Variants in DCC observed in about 807,000 individuals in gnomAD.
DCC encodes the protein DCC netrin 1 receptor.
Under a neutral mutation model 172.5 loss-of-function variants are expected in DCC, and 58 were observed. The observed-to-expected ratio is 0.34, with a 90% CI of 0.27 to 0.42. DCC has a LOEUF of 0.42. Among genes scored for constraint, DCC ranks in the 10% least tolerant of loss-of-function variants. The probability of loss-of-function intolerance (pLI) is 1.00; values close to 1 mark genes in which losing one functional copy is unlikely to be tolerated. For synonymous variants in DCC, 709 were observed against 644.5 expected, an observed-to-expected ratio of 1.10 and a Z score of -1.52; for missense variants, 1,740 against 1,791.0, an observed-to-expected ratio of 0.97 and a Z score of 0.51.
chr18:52,847,023 G>T (rs2038905309), intron 2 of DCC, among the ~76,000 whole-genome samples: 2 of 152,310 alleles, frequency 1.3e-5, no homozygotes, highest in South Asian at 4.1e-4. Context: ...CTTACAGGTA[G>T]AATGAATCCA....
chr18:52,950,426 C>A (rs1024327779), intron 5 of DCC, among the ~76,000 whole-genome samples: 1 of 152,188 alleles, frequency 6.6e-6, no homozygotes, highest in African/African-American at 2.4e-5. Context: ...TGAGCATCAG[C>A]ACTCTGACAA....
intron 15 of DCC, among the ~76,000 whole-genome samples, chr18:53,346,694 T>C (rs2057730121): frequency 6.6e-6 from 1 of 152,202 alleles, no homozygotes; most frequent in South Asian, 2.1e-4. Context: ...AAGTATACTT[T>C]ACCTCTGAGA....
At chr18:53,137,657 C>A (rs989601340) in intron 7 of DCC, among the ~76,000 whole-genome samples, 20 of 152,138 alleles carry the variant, frequency 1.3e-4, no homozygotes, top group African/African-American at 4.8e-4. Context: ...ATGGCTTGGG[C>A]CACTTTAGTG....
At chr18:52,989,481 C>T (rs2041347577) in intron 5 of DCC, among the ~76,000 whole-genome samples, 1 of 152,128 alleles carries the variant, frequency 6.6e-6, no homozygotes, top group African/African-American at 2.4e-5. Context: ...CGAGATCACA[C>T]CATGGCACTA....
At chr18:53,407,146 G>A (rs2145047311) in intron 19 of DCC, among the ~76,000 whole-genome samples, 1 of 152,216 alleles carries the variant, frequency 6.6e-6, no homozygotes, top group East Asian at 1.9e-4. Context: ...TCTGATAAAT[G>A]AGGAGACTCG....
chr18:52,880,650 A>G (rs904946643), intron 2 of DCC, among the ~76,000 whole-genome samples: 23 of 152,198 alleles, frequency 1.5e-4, no homozygotes, highest in Admixed American at 1.3e-3. Flanking sequence ...ACTTAACATA[A>G]TGACCTCCAC....
intron 2 of DCC, among the ~76,000 whole-genome samples, chr18:52,833,906 C>A (rs745419197): frequency 2.0e-5 from 3 of 152,140 alleles, no homozygotes; most frequent in Non-Finnish European, 2.9e-5. Flanking sequence ...TCAAGCAATT[C>A]TCCGGCTTCG....
At position 53,432,857 on chromosome 18, in the gene DCC, A is replaced by AAATTAT. The variant is rs561886750; in HGVS notation, c.3164-2284_3164-2283insTATAAT. On this transcript the variant is annotated intron_variant, in intron 21 of 28. Coordinates refer to ENST00000442544, the MANE Select transcript of DCC (RefSeq NM_005215.4). ...TCACTCAAAATTAAAATTAAAATTA[A>AAATTAT]AATCTGATGCCTCTGTCTTTAGATC... Among the ~76,000 whole-genome samples the AAATTAT allele has an allele frequency of 1.9e-3, 290 of 152,238 alleles. 1 individual carries two copies. The highest frequency in any genetic ancestry group is 2.9e-3 in the Non-Finnish European group (198 of 68,018).
intron 12 of DCC, among the ~76,000 whole-genome samples, chr18:53,229,364 A>C (rs1482584898): frequency 1.3e-5 from 2 of 152,146 alleles, no homozygotes; most frequent in Non-Finnish European, 2.9e-5. Flanking sequence ...CCTATGTTAA[A>C]CACAGCAATT....
intron 1 of DCC, among the ~76,000 whole-genome samples, chr18:52,635,311 C>G (rs2034753074): frequency 6.6e-6 from 1 of 152,130 alleles, no homozygotes; most frequent in Non-Finnish European, 1.5e-5. Flanking sequence ...CTCACTGCTA[C>G]TAAAAAAATG....
At position 53,467,954 on chromosome 18, in the gene DCC, G is replaced by A. The variant is rs762821495; in HGVS notation, c.3680G>A (p.Arg1227His). ...ACTCTGGAGAGGTCGCTGGCTGCAC[G>A]CCGAGCCCCCCGGGCCAAGCTCATG... ...MSTLERSLAA[R>H]RAPRAKLMIP... The change falls in exon 25 of 29, where the codon CGC (arginine) becomes CAC (histidine). Residue 1227 changes from arginine (R) to histidine (H), a missense_variant. By Grantham distance (29) the Arg-to-His change is conservative. Around this residue, in one of 2 missense-constraint regions of DCC, gnomAD observed 1,732 missense variants for 1,767.4 expected, o/e 0.98. Coordinates refer to ENST00000442544, the MANE Select transcript of DCC (RefSeq NM_005215.4). The A allele has an allele frequency of 1.4e-5, 23 of 1,613,044 alleles. No homozygotes were observed. The highest frequency in any genetic ancestry group is 4.4e-5 in the South Asian group (4 of 91,060).
chr18:53,313,178 G>A (rs1211211091), intron 13 of DCC, among the ~76,000 whole-genome samples: 2 of 152,102 alleles, frequency 1.3e-5, no homozygotes, highest in African/African-American at 4.8e-5. Flanking sequence ...CTTGGTGGTG[G>A]TTATTGTTGG....
chr18:53,075,924 C>G (rs1599101873), intron 7 of DCC, among the ~76,000 whole-genome samples: 1 of 152,276 alleles, frequency 6.6e-6, no homozygotes, highest in East Asian at 1.9e-4. Context: ...CTCTTACTCT[C>G]AGCTAGCATC....
intron 2 of DCC, among the ~76,000 whole-genome samples, chr18:52,787,348 C>A (rs1002498796): frequency 1.3e-5 from 2 of 151,994 alleles, no homozygotes. Context: ...TGATGATAAA[C>A]CACATTTTGA....
intron 2 of DCC, among the ~76,000 whole-genome samples, chr18:52,833,189 C>T (rs909918570): frequency 6.6e-6 from 1 of 152,122 alleles, no homozygotes; most frequent in Non-Finnish European, 1.5e-5. Flanking sequence ...CTCCACTTAG[C>T]AAGTCCACCT....
At chr18:52,987,820 C>T (rs958441578) in intron 5 of DCC, among the ~76,000 whole-genome samples, 20 of 152,204 alleles carry the variant, frequency 1.3e-4, no homozygotes, top group African/African-American at 4.8e-4. Context: ...TGTGTTTCAA[C>T]TCACATAACA....
intron 15 of DCC, among the ~76,000 whole-genome samples, chr18:53,362,063 A>G (rs1484399077): frequency 6.6e-6 from 1 of 152,138 alleles, no homozygotes; most frequent in African/African-American, 2.4e-5. Context: ...TTTTTCTAAT[A>G]TGTTACTTCA....
chr18:53,052,737 C>G (rs2042350200), intron 5 of DCC, among the ~76,000 whole-genome samples: 1 of 152,084 alleles, frequency 6.6e-6, no homozygotes, highest in Non-Finnish European at 1.5e-5. Flanking sequence ...AGGGGCTGTT[C>G]TCAAGTTTCC....
At chr18:52,515,927 G>GAA (rs1316170577) in intron 1 of DCC, among the ~76,000 whole-genome samples, 2 of 75,640 alleles carry the variant, frequency 2.6e-5, no homozygotes, top group African/African-American at 3.7e-5. Context: ...GTTAGAAAAT[G>GAA]GAAAAAAAAA....
Sources: allele counts gnomAD v4.1 joint callset (sites outside exome capture counted in the v4.1 genomes callset), GRCh38; gene constraint gnomAD v4.1.1; regional missense constraint gnomAD v4.1.1; transcripts MANE v1.5; gene names NCBI Gene and HGNC (gene_info 2026-07-23, HGNC 2026-07-21).